The following AASDH variants were observed in gnomAD, a reference collection of about 807,000 sequenced individuals.
AASDH encodes aminoadipate-semialdehyde dehydrogenase.
A neutral mutation model predicts 102.3 loss-of-function variants in AASDH; 81 were observed. The ratio of observed to expected loss-of-function variants is 0.79; its 90% CI spans 0.66 to 0.95. AASDH has a LOEUF of 0.95. Among genes scored for constraint, AASDH ranks in the 40% least tolerant of loss-of-function variants. The probability of loss-of-function intolerance (pLI) is 0.00; values close to 1 mark genes in which losing one functional copy is unlikely to be tolerated. For synonymous variants in AASDH, 398 were observed against 454.0 expected, an observed-to-expected ratio of 0.88 and a Z score of 1.57; for missense variants, 1,203 against 1,266.2, an observed-to-expected ratio of 0.95 and a Z score of 0.76.
rs757283894 is a variant in AASDH, at chr4:56,378,319, T to G, written c.497A>C (p.Lys166Thr). 6.4e-5 allele frequency: 103 copies of G among 1,614,074 alleles called. No homozygotes were observed. The highest frequency in any genetic ancestry group is 8.4e-5 in the Non-Finnish European group (99 of 1,180,032). The part of the protein sequence containing the change: ...NDGKEKYEKE[K>T]IKSISSEHVN... ...ATGCTCAGAACTTATGCTTTTTATT[T>G]TTTCTTTTTCATATTTCTCTTTTCC... is the stretch of plus-strand genomic sequence containing the variant. The change falls in exon 4 of 15, where the codon AAA (lysine) becomes ACA (threonine). Residue 166 changes from lysine to threonine, a missense_variant. Coordinates refer to ENST00000205214, the MANE Select transcript of AASDH (RefSeq NM_181806.4).
At chr4:56,356,603 C>T in intron 5 of AASDH, 1 of 724,256 alleles carries the variant, frequency 1.4e-6, no homozygotes, top group African/African-American at 1.7e-5. Context: ...CTGGTGGTGA[C>T]TGCACACGTG....
chr4:56,340,157 A>G (rs1304691365), intron 14 of AASDH, among the ~76,000 whole-genome samples: 1 of 152,232 alleles, frequency 6.6e-6, no homozygotes, highest in Non-Finnish European at 1.5e-5. Flanking sequence ...CAACAGAACA[A>G]GATTCCATCT....
chr4:56,369,492 A>C (rs1046123363), intron 5 of AASDH, among the ~76,000 whole-genome samples: 2 of 152,224 alleles, frequency 1.3e-5, no homozygotes, highest in Non-Finnish European at 2.9e-5. Flanking sequence ...CACTCGGTTC[A>C]TATATATACA....
chr4:56,378,214 G>C lies in AASDH; in HGVS notation c.602C>G (p.Thr201Ser). 1 of 1,614,024 alleles carries C rather than the reference G, an allele frequency of 6.2e-7. No homozygotes were observed. The highest frequency in any genetic ancestry group is 8.5e-7 in the Non-Finnish European group (1 of 1,179,990). Residue 201 changes from threonine to serine, a missense_variant, in exon 4 of 15, where the codon ACT becomes AGT. Coordinates refer to ENST00000205214, the MANE Select transcript of AASDH (RefSeq NM_181806.4). Reference sequence around the variant, plus strand: ...TCTGACAATCTTCGGTATCCCTGTAGTCCCTGATGTATGTAGAACATAGGC... The same window carrying C: ...TCTGACAATCTTCGGTATCCCTGTACTCCCTGATGTATGTAGAACATAGGC... ...CLAYVLHTSG[T>S]TGIPKIVRVP...
At chr4:56,350,425 G>A (rs978437295) in intron 10 of AASDH, among the ~76,000 whole-genome samples, 2 of 151,996 alleles carry the variant, frequency 1.3e-5, no homozygotes, top group East Asian at 1.9e-4. Context: ...CTGCACTCCC[G>A]CCTGGGCAAC....
At chr4:56,360,944 T>C (rs1337615685) in intron 5 of AASDH, among the ~76,000 whole-genome samples, 1 of 152,228 alleles carries the variant, frequency 6.6e-6, no homozygotes, top group African/African-American at 2.4e-5. Flanking sequence ...TTACCTGTTA[T>C]GCCAAGAAGT....
chr4:56,354,275 T>G lies in AASDH; in HGVS notation c.1211-64A>C, dbSNP rs573408629. ...GGGAAATATATTAAAAACCATAAAATCAACATCTCCAAAAGTTCAGTGACT... is the reference window on the plus strand; with the variant it reads ...GGGAAATATATTAAAAACCATAAAAGCAACATCTCCAAAAGTTCAGTGACT... On this transcript the variant is annotated intron_variant, in intron 7 of 14. Coordinates refer to ENST00000205214, the MANE Select transcript of AASDH (RefSeq NM_181806.4). The G allele has an allele frequency of 2.7e-5, 38 of 1,395,726 alleles. No individual in the cohort carries two copies. In the South Asian group the frequency reaches 6.1e-4, roughly 23 times the overall value. 86.5% of individuals were successfully genotyped at this position (1,395,726 alleles called of 1,614,324 possible). A position where few individuals can be genotyped will look rare whatever the true frequency, so the allele number is the denominator to read the frequency against.
At chr4:56,362,260 TTTC>T (rs1750392897) in intron 5 of AASDH, among the ~76,000 whole-genome samples, 1 of 149,776 alleles carries the variant, frequency 6.7e-6, no homozygotes, top group African/African-American at 2.5e-5. Flanking sequence ...CAGCTTTTTT[TTTC>T]TTTGTTTGTT....
chr4:56,382,598 C>A lies in AASDH; in HGVS notation c.231-1G>T. 1 of 1,601,920 alleles carries A rather than the reference C, an allele frequency of 6.2e-7. No homozygotes were observed. Among genetic ancestry groups the A allele is most frequent in the Non-Finnish European group, 8.5e-7 (1 of 1,176,668 alleles). ...ATAAGCAGCCGGGACTTGGAGAATT[C>A]TAAAGAAAAAAGTACACAGTCAGCA... is the stretch of plus-strand genomic sequence containing the variant. On this transcript the variant is annotated splice_acceptor_variant, in intron 2 of 14. Coordinates refer to ENST00000205214, the MANE Select transcript of AASDH (RefSeq NM_181806.4). LOFTEE classifies it high-confidence loss of function.
intron 14 of AASDH, 122 bp from the exon 15 acceptor site, chr4:56,338,913 C>CACAG (rs1747262862): frequency 2.0e-6 from 2 of 993,238 alleles, no homozygotes; most frequent in Non-Finnish European, 1.4e-6. Flanking sequence ...GGTAACTATA[C>CACAG]ACAGACAAAA....
At chr4:56,339,002 C>CTGGAG (rs1747282121) in intron 14 of AASDH, among the ~76,000 whole-genome samples, 2 of 152,118 alleles carry the variant, frequency 1.3e-5, no homozygotes, top group African/African-American at 4.8e-5. Flanking sequence ...ACAAAATATA[C>CTGGAG]TGGAGTGTTG....
At chr4:56,340,964 T>G (rs1747595422) in intron 14 of AASDH, among the ~76,000 whole-genome samples, 1 of 151,976 alleles carries the variant, frequency 6.6e-6, no homozygotes, top group Non-Finnish European at 1.5e-5. Context: ...AAAACCACAA[T>G]GAGATATCAT....
In AASDH at chr4:56,384,212, G is replaced by A; in HGVS notation, c.88C>T (p.Pro30Ser). The A allele has an allele frequency of 6.2e-7, 1 of 1,614,134 alleles. No individual in the cohort carries two copies. Among genetic ancestry groups the A allele is most frequent in the Non-Finnish European group, 8.5e-7 (1 of 1,180,016 alleles). The change falls in exon 2 of 15, where the codon CCA becomes TCA. Residue 30 changes from proline to serine, a missense_variant. Pro to Ser is a moderately conservative substitution (Grantham distance 74). Transcript: ENST00000205214. ...ACAGTCTTGTAGGTGTAGTAAACTG[G>A]AAGCTGGTTGTTGCATTCATCAAAA... ...VCFDECNNQL[P>S]VYYTYKTVVN...
intron 3 of AASDH, chr4:56,381,794 T>C (rs1753001791): frequency 6.6e-6 from 1 of 152,290 alleles, no homozygotes; most frequent in Middle Eastern, 3.4e-3. Context: ...TCTTCCCCTT[T>C]AGTAAAACAA....
chr4:56,369,178 G>C (rs1335066488), intron 5 of AASDH, among the ~76,000 whole-genome samples: 1 of 152,142 alleles, frequency 6.6e-6, no homozygotes, highest in Admixed American at 6.5e-5. Flanking sequence ...TCCCAAAAAG[G>C]TTAAAAACAA....
At chr4:56,348,246 C>A (rs1748553058) in intron 11 of AASDH, among the ~76,000 whole-genome samples, 1 of 150,500 alleles carries the variant, frequency 6.6e-6, no homozygotes, top group South Asian at 2.1e-4. Flanking sequence ...GTGGCCTGAA[C>A]TGAGTTATGC....
intron 10 of AASDH, 71 bp downstream of exon 10, chr4:56,351,271 G>T: frequency 1.1e-6 from 1 of 934,800 alleles, no homozygotes; most frequent in Non-Finnish European, 1.6e-6. Flanking sequence ...CAACTTGTTA[G>T]GATAATAGCA....
intron 5 of AASDH, chr4:56,356,421 A>C: frequency 6.3e-7 from 1 of 1,587,898 alleles, no homozygotes. Flanking sequence ...TCAGCTGCTT[A>C]AGCTGGCCCA....
chr4:56,376,908 A>C (rs1752400853), intron 4 of AASDH, among the ~76,000 whole-genome samples: 1 of 151,190 alleles, frequency 6.6e-6, no homozygotes, highest in Admixed American at 6.6e-5. Flanking sequence ...TCTACTAAAA[A>C]TACAAAAAAT....
Sources: gnomAD v4.1 joint callset for allele counts (sites outside exome capture counted in the v4.1 genomes callset) on GRCh38, gnomAD v4.1.1 for gene constraint, MANE v1.5 for transcripts, NCBI Gene and HGNC (gene_info 2026-07-23, HGNC 2026-07-21) for gene names.